The following CELSR1 variants were observed in gnomAD, a reference collection of about 807,000 sequenced individuals.
CELSR1 encodes the protein cadherin EGF LAG seven-pass G-type receptor 1.
A neutral mutation model predicts 249.1 loss-of-function variants in CELSR1; 110 were observed. The ratio of observed to expected loss-of-function variants is 0.44; its 90% CI spans 0.38 to 0.52. The LOEUF (loss-of-function observed/expected upper bound fraction) is 0.52. Ranked by LOEUF, CELSR1 falls within the 20% of genes least tolerant of loss-of-function variation. The pLI is 0.00. For synonymous variants in CELSR1, 2,113 were observed against 1,900.0 expected (o/e 1.11, Z -2.92); for missense variants, 4,109 against 4,296.4 (o/e 0.96, Z 1.22).
chr22:46,456,831 C>A (rs2079960303), intron 2 of CELSR1, among the ~76,000 whole-genome samples: 1 of 149,438 alleles, frequency 6.7e-6, no homozygotes, highest in Non-Finnish European at 1.5e-5. Context: ...TGTCCTTGAA[C>A]CTACACAGAT....
At position 46,380,108 on chromosome 22, in the gene CELSR1, C is replaced by T. The variant is rs565605832; in HGVS notation, c.7256+680G>A. 1.3e-5 allele frequency among the ~76,000 whole-genome samples: 2 copies of T among 152,240 alleles called. No homozygotes were observed. Among genetic ancestry groups the T allele is most frequent in the Non-Finnish European group, 2.9e-5 (2 of 68,050 alleles). ...TGGCTCCCAGCAGACGGGAGCCACA[C>T]TGTGGTGCTGAATCCAGTCTCACGT... On this transcript the variant is annotated intron_variant, in intron 22 of 34. Transcript: ENST00000674500. The surrounding 1 kb of genome is among the most constrained non-coding windows in gnomAD (Gnocchi z 5.1).
rs1012628714 is a variant in CELSR1 at position 46,427,519 on chromosome 22, G to A, written c.4611+5874C>T. Among the ~76,000 whole-genome samples, 15 of 152,124 alleles carry A rather than the reference G, an allele frequency of 9.9e-5. No homozygotes were observed. Among genetic ancestry groups the A allele is most frequent in the South Asian group, 2.1e-4 (1 of 4,816 alleles). ...AACAAAGGCGCCTGGGCGACAGAGC[G>A]GGACTCCATCTCAAAAATAAAATAA... On this transcript the variant is annotated intron_variant, in intron 5 of 34. Coordinates refer to ENST00000674500, the MANE Select transcript of CELSR1 (RefSeq NM_001378328.1). The surrounding 1 kb of genome is among the most constrained non-coding windows in gnomAD (Gnocchi z 4.2).
At position 46,398,647 on chromosome 22, in the gene CELSR1, G is replaced by C. The variant is rs769931502; in HGVS notation, c.5413-10C>G. On this transcript the variant is annotated splice_polypyrimidine_tract_variant and intron_variant, in intron 10 of 34. Coordinates refer to ENST00000674500, the MANE Select transcript of CELSR1 (RefSeq NM_001378328.1). The surrounding 1 kb of genome is among the most constrained non-coding windows in gnomAD (Gnocchi z 7.2). ...CGATATCTGCCTTGTTCTGTGCGGA[G>C]AGAGGGGCCGGGGATCTGGGGGCTG... 3.7e-6 allele frequency: 6 copies of C among 1,601,944 alleles called. No individual in the cohort carries two copies. Among genetic ancestry groups the C allele is most frequent in the Non-Finnish European group, 5.1e-6 (6 of 1,173,770 alleles).
At chr22:46,415,899 A>G (rs1279404090) in intron 5 of CELSR1, among the ~76,000 whole-genome samples, 3 of 152,230 alleles carry the variant, frequency 2.0e-5, no homozygotes, top group South Asian at 2.1e-4. Context: ...ATCTGGGCTC[A>G]GATCATCCAT....
At chr22:46,425,984 A>G (rs1038842257) in intron 5 of CELSR1, among the ~76,000 whole-genome samples, 5 of 152,266 alleles carry the variant, frequency 3.3e-5, no homozygotes, top group Admixed American at 3.3e-4. Context: ...ATTCCCTTTA[A>G]ATTTGTTTTA....
chr22:46,505,952 G>C (rs2080510435), intron 1 of CELSR1, among the ~76,000 whole-genome samples: 2 of 152,278 alleles, frequency 1.3e-5, no homozygotes, highest in Admixed American at 1.3e-4. Context: ...GCCGAGGCAG[G>C]TGGATCACTT....
chr22:46,432,570 C>T (rs2079608277), intron 5 of CELSR1, among the ~76,000 whole-genome samples: 1 of 152,226 alleles, frequency 6.6e-6, no homozygotes, highest in Admixed American at 6.5e-5. Context: ...AAATCACAGC[C>T]GTGGAAAGCA....
At chr22:46,372,161 CCACT>C (rs976809349) in intron 25 of CELSR1, among the ~76,000 whole-genome samples, 9 of 151,198 alleles carry the variant, frequency 6.0e-5, no homozygotes, top group Admixed American at 2.6e-4. Flanking sequence ...CATCATCTAC[CCACT>C]CACTCACCCC....
chr22:46,367,527 C>T (rs556648855), intron 28 of CELSR1, among the ~76,000 whole-genome samples: 76 of 152,344 alleles, frequency 5.0e-4, no homozygotes, highest in African/African-American at 1.8e-3. Flanking sequence ...CTAGGGTCAT[C>T]GTCCCCAGAC....
Position 46,390,310 on chromosome 22 carries a change from G to T in CELSR1, c.6345+82C>A. 8.6e-7 allele frequency: 1 copy of T among 1,160,576 alleles called. No homozygotes were observed. The highest frequency in any genetic ancestry group is 1.2e-6 in the Non-Finnish European group (1 of 813,412). 71.9% of individuals were successfully genotyped at this position (1,160,576 alleles called of 1,614,324 possible). On this transcript the variant is annotated intron_variant, in intron 17 of 34. Coordinates refer to ENST00000674500, the MANE Select transcript of CELSR1 (RefSeq NM_001378328.1). The surrounding 1 kb of genome is among the most constrained non-coding windows in gnomAD (Gnocchi z 6.3). ...CGCCCCAACACTCCCCAGCCCAGGA[G>T]CCTCGGCCCACACAAACTCTCTCAC...
chr22:46,438,409 C>T (rs1179636042), intron 3 of CELSR1, among the ~76,000 whole-genome samples: 1 of 152,178 alleles, frequency 6.6e-6, no homozygotes, highest in East Asian at 1.9e-4. Flanking sequence ...GAGGGCCCTG[C>T]CCACAGCCCC....
Position 46,437,769 on chromosome 22 carries a change from C to G in CELSR1, c.4406+1420G>C, listed in dbSNP as rs1406713131. ...CTCCGTCTCAAAAAAAAAAAAAAAA[C>G]TGATGGTTCCCAACTGTCGCCCAAA... On this transcript the variant is annotated intron_variant, in intron 3 of 34. Transcript: ENST00000674500. The surrounding 1 kb of genome is among the most constrained non-coding windows in gnomAD (Gnocchi z 4.9). Among the ~76,000 whole-genome samples, 4 of 143,160 alleles carry G rather than the reference C, an allele frequency of 2.8e-5. No homozygotes were observed. The highest frequency in any genetic ancestry group is 1.2e-4 in the African/African-American group (4 of 34,284). 93.9% of individuals were successfully genotyped at this position (143,160 alleles called of 152,430 possible). A position where few individuals can be genotyped will look rare whatever the true frequency, so the allele number is the denominator to read the frequency against.
At chr22:46,524,568 G>GTC (rs1213737702) in intron 1 of CELSR1, among the ~76,000 whole-genome samples, 4 of 57,180 alleles carry the variant, frequency 7.0e-5, no homozygotes, top group African/African-American at 1.6e-4. Flanking sequence ...GTGTGTGTGT[G>GTC]TGTCTGTCTG....
intron 5 of CELSR1, among the ~76,000 whole-genome samples, chr22:46,419,098 C>T (rs542314292): frequency 2.0e-5 from 3 of 152,258 alleles, no homozygotes; most frequent in African/African-American, 7.2e-5. Context: ...ACCAAAGCCC[C>T]CAGTTCCATG....
chr22:46,534,767 T>C lies in CELSR1; in HGVS notation c.2404A>G (p.Arg802Gly). The change falls in exon 1 of 35, where the codon AGG becomes GGG. Residue 802 changes from arginine (R) to glycine (G), a missense_variant. Physicochemically the swap from Arg to Gly is moderately radical, Grantham distance 125. Around this residue, in one of 7 missense-constraint regions of CELSR1, gnomAD observed 886 missense variants for 896.5 expected, o/e 0.99. Transcript: ENST00000674500. The surrounding 1 kb of genome is among the most constrained non-coding windows in gnomAD (Gnocchi z 9.7). ...GTAGCAATGGAGGTGCCCACAGGCCTGTCCTCACTGACACTCACTGTGTAA... is the reference window on the plus strand; with the variant it reads ...GTAGCAATGGAGGTGCCCACAGGCCCGTCCTCACTGACACTCACTGTGTAA... Reference protein sequence around the residue: ...SHYTVSVSEDRPVGTSIATLS... With the variant: ...SHYTVSVSEDGPVGTSIATLS... 2.5e-6 allele frequency: 4 copies of C among 1,613,090 alleles called. No individual in the cohort carries two copies. Among genetic ancestry groups the C allele is most frequent in the Non-Finnish European group, 3.4e-6 (4 of 1,179,998 alleles).
chr22:46,535,813 T>C lies in CELSR1; in HGVS notation c.1358A>G (p.Asn453Ser). The C allele has an allele frequency of 6.2e-7, 1 of 1,610,594 alleles. No individual in the cohort carries two copies. Among genetic ancestry groups the C allele is most frequent in the Non-Finnish European group, 8.5e-7 (1 of 1,179,380 alleles). The change falls in exon 1 of 35, where the codon AAC becomes AGC. Residue 453 changes from asparagine to serine, a missense_variant. Asn to Ser is a conservative substitution (Grantham distance 46). Coordinates refer to ENST00000674500, the MANE Select transcript of CELSR1 (RefSeq NM_001378328.1). ...ATVYIEVEDE[N>S]DNYPQFSEQN... ...CTCGCTGAACTGGGGGTAGTTGTCG[T>C]TCTCGTCCTCCACCTCGATGTACAC...
At position 46,536,752 on chromosome 22, in the gene CELSR1, G is replaced by C; in HGVS notation, c.419C>G (p.Ala140Gly). 8.5e-7 allele frequency: 1 copy of C among 1,175,288 alleles called. No homozygotes were observed. 72.8% of individuals were successfully genotyped at this position (1,175,288 alleles called of 1,614,324 possible). A position where few individuals can be genotyped will look rare whatever the true frequency, so the allele number is the denominator to read the frequency against. Reference protein sequence around the residue: ...ALCFPVPGGCAAAQHSALAAP... With the variant: ...ALCFPVPGGCGAAQHSALAAP... The stretch of plus-strand genomic sequence containing the variant: ...TGCGAGCGCCGAATGCTGCGCGGCC[G>C]CGCAGCCGCCGGGGACGGGGAAGCA... The change falls in exon 1 of 35, where the codon GCG (alanine) becomes GGG (glycine). Residue 140 changes from alanine to glycine, a missense_variant. This residue lies in a region of CELSR1 where 673 missense variants were observed against 636.8 expected (regional missense o/e 1.06). Coordinates refer to ENST00000674500, the MANE Select transcript of CELSR1 (RefSeq NM_001378328.1).
At chr22:46,366,117 C>T (rs1354405572) in intron 30 of CELSR1, among the ~76,000 whole-genome samples, 1 of 7,896 alleles carries the variant, frequency 1.3e-4, no homozygotes, top group Admixed American at 1.4e-3. Context: ...GGGGAAGGTG[C>T]GGGGGGGAAG....
rs986869363 is a variant in CELSR1, at chr22:46,417,883, C to A, written c.4612-6124G>T. On this transcript the variant is annotated intron_variant, in intron 5 of 34. Transcript: ENST00000674500. The surrounding 1 kb of genome is among the most constrained non-coding windows in gnomAD (Gnocchi z 4.1). ...GAGTCCAGCTGGGCGGGCCCAAGGC[C>A]GGCGGGGGGCTCACAGGACAGCAGT... Among the ~76,000 whole-genome samples the A allele has an allele frequency of 1.3e-5, 2 of 152,190 alleles. No homozygotes were observed. Among genetic ancestry groups the A allele is most frequent in the Non-Finnish European group, 2.9e-5 (2 of 68,044 alleles).
Sources: gnomAD v4.1 joint callset for allele counts (sites outside exome capture counted in the v4.1 genomes callset) on GRCh38, gnomAD v4.1.1 for gene constraint, gnomAD v4.1.1 regional missense constraint, Gnocchi (gnomAD v3.1) non-coding constraint, MANE v1.5 for transcripts, NCBI Gene and HGNC (gene_info 2026-07-23, HGNC 2026-07-21) for gene names.